WNT3A: variants seen among roughly 807,000 people sequenced by gnomAD.
WNT3A encodes the protein protein Wnt-3a.
Under a neutral mutation model 37.0 loss-of-function variants are expected in WNT3A, and 17 were observed. That is an observed-to-expected ratio of 0.46 (90% CI 0.31 to 0.69). The LOEUF (loss-of-function observed/expected upper bound fraction) is 0.69. Ranked by LOEUF, WNT3A falls within the 30% of genes least tolerant of loss-of-function variation. The pLI, the probability that WNT3A is intolerant of heterozygous loss-of-function variation, is 0.05. For synonymous variants in WNT3A, 187 were observed against 211.0 expected (o/e 0.89, Z 0.99); for missense variants, 411 against 510.2 (o/e 0.81, Z 1.87).
In WNT3A at chr1:228,041,519, T is replaced by TCATCCATC. The variant is rs10555310; in HGVS notation, c.314-9110_314-9103dup. Among the ~76,000 whole-genome samples, 104 of 150,556 alleles carry TCATCCATC rather than the reference T, an allele frequency of 6.9e-4. 4 individuals carry two copies. The East Asian group carries it at 0.016, about 23-fold the overall frequency. The stretch of plus-strand genomic sequence containing the variant: ...ATCCATCATCCATCTATCCATCAAT[T>TCATCCATC]CATCCATCCATCCATCCATCCATCC... On this transcript the variant is annotated intron_variant, in intron 2 of 3. Coordinates refer to ENST00000284523, the MANE Select transcript of WNT3A (RefSeq NM_033131.4).
chr1:228,027,003 C>G (rs1038760193), intron 2 of WNT3A, among the ~76,000 whole-genome samples: 39 of 152,180 alleles, frequency 2.6e-4, no homozygotes, highest in African/African-American at 9.4e-4. Flanking sequence ...CCACCAAGCC[C>G]CACTAATTTT....
rs2031181315 is a variant in WNT3A at position 228,037,813 on chromosome 1, G to A, written c.314-12843G>A. Among the ~76,000 whole-genome samples, 1 of 152,244 alleles carries A rather than the reference G, an allele frequency of 6.6e-6. No homozygotes were observed. Among genetic ancestry groups the A allele is most frequent in the Admixed American group, 6.5e-5 (1 of 15,294 alleles). The stretch of plus-strand genomic sequence containing the variant: ...ACGGCGACAAGATTAAGCACAAGGG[G>A]AGAGTGCAAATGCGCGGGCGGTTCA... On this transcript the variant is annotated intron_variant, in intron 2 of 3. Transcript: ENST00000284523. The surrounding 1 kb of genome is among the most constrained non-coding windows in gnomAD (Gnocchi z 4.1).
In WNT3A at chr1:228,060,025, TGACCAGGGCAAG is replaced by T. The variant is rs2031767501; in HGVS notation, c.*562_*573del. 6 of 1,179,534 alleles carry T rather than the reference TGACCAGGGCAAG, an allele frequency of 5.1e-6. No homozygotes were observed. Among genetic ancestry groups the T allele is most frequent in the Admixed American group, 3.6e-5 (1 of 27,444 alleles). The allele number at this position is 1,179,534 out of a possible 1,614,324, so 73.1% of individuals were successfully genotyped here. A position where few individuals can be genotyped will look rare whatever the true frequency, so the allele number is the denominator to read the frequency against. ...TTCCTGGATGGGGCAGAGCTTCTCC[TGACCAGGGCAAG>T]GCCCCTTCCACGGGGGCTGTGGCTC... On this transcript the variant is annotated 3_prime_UTR_variant, in exon 4 of 4. Coordinates refer to ENST00000284523, the MANE Select transcript of WNT3A (RefSeq NM_033131.4).
intron 1 of WNT3A, among the ~76,000 whole-genome samples, chr1:228,012,752 G>C (rs60356098): frequency 0.17 from 25,785 of 152,136 alleles, 5,213 homozygotes; most frequent in African/African-American, 0.48. Context: ...CAGGTGCCAA[G>C]GAGGCTGGTT....
chr1:228,047,189 G>T (rs1420968032), intron 2 of WNT3A, among the ~76,000 whole-genome samples: 1 of 152,182 alleles, frequency 6.6e-6, no homozygotes, highest in African/African-American at 2.4e-5. Context: ...TTCTGGGCTT[G>T]TGGCTGGATG....
intron 2 of WNT3A, among the ~76,000 whole-genome samples, chr1:228,049,032 C>CA (rs1457809849): frequency 3.9e-5 from 6 of 152,252 alleles, no homozygotes; most frequent in African/African-American, 1.4e-4. Context: ...TACAAGGACC[C>CA]AGGCAGCTCC....
Position 228,031,041 on chromosome 1 carries a change from G to A in WNT3A, c.313+8133G>A, listed in dbSNP as rs983791696. On this transcript the variant is annotated intron_variant, in intron 2 of 3. Transcript: ENST00000284523. The surrounding 1 kb of genome is among the most constrained non-coding windows in gnomAD (Gnocchi z 4.8). ...TCCAGGGCTGGTGGGGCCTGGCTGA[G>A]GCCATCCATGGGCAGGAGCCCTCCA... is the stretch of plus-strand genomic sequence containing the variant. Among the ~76,000 whole-genome samples the A allele has an allele frequency of 6.6e-6, 1 of 152,254 alleles. No individual in the cohort carries two copies. Among genetic ancestry groups the A allele is most frequent in the Non-Finnish European group, 1.5e-5 (1 of 68,054 alleles).
intron 2 of WNT3A, among the ~76,000 whole-genome samples, chr1:228,027,173 G>C (rs1332922266): frequency 6.6e-6 from 1 of 152,218 alleles, no homozygotes; most frequent in Non-Finnish European, 1.5e-5. Context: ...ATCCACTTGT[G>C]AGTTGATGGG....
chr1:228,051,786 T>C (rs896135581), intron 3 of WNT3A, among the ~76,000 whole-genome samples: 2 of 152,130 alleles, frequency 1.3e-5, no homozygotes, highest in African/African-American at 4.8e-5. Context: ...CTGCTCAGCT[T>C]CTTGGGAGGC....
At chr1:228,047,506 C>A (rs952627882) in intron 2 of WNT3A, among the ~76,000 whole-genome samples, 4 of 152,118 alleles carry the variant, frequency 2.6e-5, no homozygotes, top group Admixed American at 2.0e-4. Flanking sequence ...TCTGTCCCAG[C>A]TGGCCTGGGC....
At chr1:228,056,324 A>T (rs554904009) in intron 3 of WNT3A, among the ~76,000 whole-genome samples, 1 of 152,232 alleles carries the variant, frequency 6.6e-6, no homozygotes, top group Non-Finnish European at 1.5e-5. Context: ...GGAAAGAGAC[A>T]TTGTAAAGAG....
At chr1:228,048,110 G>A (rs1313314569) in intron 2 of WNT3A, among the ~76,000 whole-genome samples, 2 of 152,188 alleles carry the variant, frequency 1.3e-5, no homozygotes. Context: ...CTGCCAAGGA[G>A]GAGCAGGGGA....
At chr1:228,043,274 C>G (rs1558292296) in intron 2 of WNT3A, among the ~76,000 whole-genome samples, 1 of 152,120 alleles carries the variant, frequency 6.6e-6, no homozygotes, top group African/African-American at 2.4e-5. Flanking sequence ...CAACTGATTG[C>G]TGTGTTAGAA....
chr1:228,024,220 G>A (rs1228431251), intron 2 of WNT3A, among the ~76,000 whole-genome samples: 1 of 152,218 alleles, frequency 6.6e-6, no homozygotes, highest in Non-Finnish European at 1.5e-5. Flanking sequence ...GGAGGTCAAG[G>A]CTGCAATGGG....
At chr1:228,030,093 T>TAAAA (rs1363671041) in intron 2 of WNT3A, among the ~76,000 whole-genome samples, 28 of 149,762 alleles carry the variant, frequency 1.9e-4, no homozygotes, top group African/African-American at 6.7e-4. Flanking sequence ...TCTAAAAAAA[T>TAAAA]ATAAAAATAA....
intron 1 of WNT3A, among the ~76,000 whole-genome samples, chr1:228,018,076 G>A (rs2030584091): frequency 1.3e-5 from 2 of 152,224 alleles, no homozygotes; most frequent in Non-Finnish European, 2.9e-5. Flanking sequence ...GGGAGTCCAG[G>A]TTGCATTGTA....
At chr1:228,043,198 G>A (rs1199761582) in intron 2 of WNT3A, among the ~76,000 whole-genome samples, 2 of 152,236 alleles carry the variant, frequency 1.3e-5, no homozygotes, top group Admixed American at 6.5e-5. Flanking sequence ...GGTTTTCCCA[G>A]GTGGAAGATA....
rs541086319 is a variant in WNT3A at position 228,008,046 on chromosome 1, C to A, written c.71+847C>A. 6.6e-6 allele frequency among the ~76,000 whole-genome samples: 1 copy of A among 152,220 alleles called. No individual in the cohort carries two copies. Among genetic ancestry groups the A allele is most frequent in the African/African-American group, 2.4e-5 (1 of 41,458 alleles). On this transcript the variant is annotated intron_variant, in intron 1 of 3. Coordinates refer to ENST00000284523, the MANE Select transcript of WNT3A (RefSeq NM_033131.4). This position sits in a 1 kb window ranked among gnomAD's most constrained non-coding sequence, Gnocchi z 4.9. ...CGAAAGGTCTCTCTCAGGCCTCCCA[C>A]CTCCACTGCACATATCCTGTGGGAG...
chr1:228,058,949 G>T, intron 3 of WNT3A, 37 bp from the exon 4 acceptor site: 2 of 1,568,496 alleles, frequency 1.3e-6, no homozygotes, highest in East Asian at 2.3e-5. Context: ...CGCACCAGGG[G>T]GCCGCCCTGA....
Sources: allele counts gnomAD v4.1 joint callset (sites outside exome capture counted in the v4.1 genomes callset), GRCh38; gene constraint gnomAD v4.1.1; non-coding constraint Gnocchi (gnomAD v3.1); transcripts MANE v1.5; gene names NCBI Gene and HGNC (gene_info 2026-07-23, HGNC 2026-07-21).